SUGCT: variants seen among roughly 807,000 people sequenced by gnomAD.
SUGCT encodes succinyl-CoA:glutarate CoA-transferase.
Under a neutral mutation model 55.0 loss-of-function variants are expected in SUGCT, and 41 were observed. The observed-to-expected ratio is 0.74, with a 90% CI of 0.58 to 0.97. The LOEUF (loss-of-function observed/expected upper bound fraction) is 0.97, where lower values mean the gene tolerates loss of function less well. Ranked by LOEUF, SUGCT falls within the 50% of genes least tolerant of loss-of-function variation. SUGCT has a pLI of 0.00. For missense variants in SUGCT, 568 were observed against 547.8 expected (o/e 1.04, Z -0.37); for synonymous variants, 187 against 200.4 (o/e 0.93, Z 0.56).
At chr7:40,616,724 G>A (rs1033088096) in intron 12 of SUGCT, among the ~76,000 whole-genome samples, 1 of 152,178 alleles carries the variant, frequency 6.6e-6, no homozygotes, top group African/African-American at 2.4e-5. Flanking sequence ...TTCACTCAGG[G>A]AGAAGTCCTG....
intron 13 of SUGCT, among the ~76,000 whole-genome samples, chr7:40,849,493 A>G (rs1161858178): frequency 6.6e-6 from 1 of 152,058 alleles, no homozygotes; most frequent in Non-Finnish European, 1.5e-5. Context: ...TGATGATGTG[A>G]TATTATGTTC....
chr7:40,612,413 C>T (rs936894989), intron 12 of SUGCT, among the ~76,000 whole-genome samples: 3 of 152,160 alleles, frequency 2.0e-5, no homozygotes, highest in African/African-American at 4.8e-5. Context: ...GCTTTGAACT[C>T]GTACACTTGC....
intron 12 of SUGCT, among the ~76,000 whole-genome samples, chr7:40,543,329 T>C (rs1454685619): frequency 6.6e-6 from 1 of 152,198 alleles, no homozygotes; most frequent in Non-Finnish European, 1.5e-5. Flanking sequence ...TTCTCTAAAA[T>C]ATATGCAGCT....
chr7:40,921,171 A>G, the SUGCT span, among the ~76,000 whole-genome samples: 23 of 152,188 alleles, frequency 1.5e-4, no homozygotes, highest in Non-Finnish European at 2.9e-5. Flanking sequence ...TATTGTAAGA[A>G]TCACTTTAAT....
intron 11 of SUGCT, among the ~76,000 whole-genome samples, chr7:40,476,745 A>C (rs1276473255): frequency 4.0e-5 from 6 of 151,616 alleles, no homozygotes; most frequent in Admixed American, 3.9e-4. Flanking sequence ...TATATTGAAT[A>C]TTACTGTACA....
intron 13 of SUGCT, among the ~76,000 whole-genome samples, chr7:40,832,270 C>T (rs1252988680): frequency 2.0e-5 from 3 of 152,160 alleles, no homozygotes; most frequent in Admixed American, 2.0e-4. Flanking sequence ...TGAAACCTCT[C>T]AGGGCCTTAT....
At chr7:40,766,567 A>AT (rs1182268669) in intron 13 of SUGCT, among the ~76,000 whole-genome samples, 1 of 152,140 alleles carries the variant, frequency 6.6e-6, no homozygotes, top group Non-Finnish European at 1.5e-5. Flanking sequence ...TCAATTTAGT[A>AT]TTTTTCCTAA....
At chr7:40,450,412 CTTT>C in intron 10 of SUGCT, among the ~76,000 whole-genome samples, 1 of 138,854 alleles carries the variant, frequency 7.2e-6, no homozygotes. Context: ...GGATTTTTTT[CTTT>C]TTTTTTTTTT....
chr7:41,023,178 C>G, the SUGCT span, among the ~76,000 whole-genome samples: 1 of 152,148 alleles, frequency 6.6e-6, no homozygotes, highest in Non-Finnish European at 1.5e-5. Flanking sequence ...CTTCTTGGGA[C>G]CCCAGGGTAA....
intron 9 of SUGCT, among the ~76,000 whole-genome samples, chr7:40,347,236 A>C (rs10951634): frequency 0.58 from 88,535 of 152,024 alleles, 25,922 homozygotes; most frequent in South Asian, 0.65. Context: ...ATTTTCTTAG[A>C]GAATACATAG....
At chr7:40,444,296 T>G (rs1360686138) in intron 9 of SUGCT, among the ~76,000 whole-genome samples, 2 of 152,118 alleles carry the variant, frequency 1.3e-5, no homozygotes, top group African/African-American at 2.4e-5. Context: ...GGCATTGAAT[T>G]TGTAAATTAC....
intron 1 of SUGCT, among the ~76,000 whole-genome samples, chr7:40,155,855 ATTT>A (rs1369761947): frequency 4.5e-5 from 6 of 132,474 alleles, no homozygotes; most frequent in Non-Finnish European, 3.3e-5. Flanking sequence ...GATACCTAAG[ATTT>A]TTTTTTTTTT....
chr7:40,670,169 CAAAAAAA>C (rs34786531), intron 12 of SUGCT, among the ~76,000 whole-genome samples: 1 of 58,242 alleles, frequency 1.7e-5, no homozygotes, highest in Non-Finnish European at 3.4e-5. Flanking sequence ...GACTCCATCT[CAAAAAAA>C]AAAAAAAAAA....
intron 1 of SUGCT, among the ~76,000 whole-genome samples, chr7:40,138,514 T>A (rs931548607): frequency 3.3e-5 from 5 of 152,246 alleles, no homozygotes; most frequent in African/African-American, 1.2e-4. Flanking sequence ...AGATGCACAG[T>A]AGTGGGATTG....
At chr7:40,803,142 T>C (rs1790908560) in intron 13 of SUGCT, among the ~76,000 whole-genome samples, 1 of 152,238 alleles carries the variant, frequency 6.6e-6, no homozygotes, top group Non-Finnish European at 1.5e-5. Flanking sequence ...TTTTCTATTA[T>C]ACTTCATTCC....
At chr7:40,945,488 C>T in the SUGCT span, among the ~76,000 whole-genome samples, 1 of 152,106 alleles carries the variant, frequency 6.6e-6, no homozygotes, top group Non-Finnish European at 1.5e-5. Flanking sequence ...GCACCCACAC[C>T]AAGCTCCTGC....
Position 40,337,645 on chromosome 7 carries a change from TGCATGTGAGATGGGTCTCCTGAATACA to T in SUGCT, c.816+20794_816+20820del, listed in dbSNP as rs1220572444. On this transcript the variant is annotated intron_variant, in intron 9 of 13. Coordinates refer to ENST00000335693, the MANE Select transcript of SUGCT (RefSeq NM_001193313.2). Reference sequence around the variant, plus strand: ...TTTGTTTTGAGTCTATGTGTGTCTCTGCATGTGAGATGGGTCTCCTGAATACAGCACACTGATGGGTCTTGACTCTTT... The same window carrying T: ...TTTGTTTTGAGTCTATGTGTGTCTCTGCACACTGATGGGTCTTGACTCTTT... 3.3e-5 allele frequency among the ~76,000 whole-genome samples: 5 copies of T among 152,344 alleles called. No homozygotes were observed. The South Asian group carries it at 1.0e-3, about 32-fold the overall frequency.
chr7:40,346,882 C>T (rs1294472262), intron 9 of SUGCT, among the ~76,000 whole-genome samples: 1 of 152,194 alleles, frequency 6.6e-6, no homozygotes, highest in Non-Finnish European at 1.5e-5. Context: ...AATGCCCTCA[C>T]CATTTGCCAA....
chr7:40,881,610 C>T, the SUGCT span, among the ~76,000 whole-genome samples: 3 of 152,108 alleles, frequency 2.0e-5, no homozygotes, highest in South Asian at 2.1e-4. Flanking sequence ...ATTGTTAAGC[C>T]CTTTCTTAAC....
Sources: allele counts gnomAD v4.1 joint callset (sites outside exome capture counted in the v4.1 genomes callset), GRCh38; gene constraint gnomAD v4.1.1; transcripts MANE v1.5; gene names NCBI Gene and HGNC (gene_info 2026-07-23, HGNC 2026-07-21).